DCC: variants seen among roughly 807,000 people sequenced by gnomAD.
DCC encodes netrin receptor DCC.
DCC carries 58 observed loss-of-function variants against 172.5 expected under a neutral mutation model. The ratio of observed to expected loss-of-function variants is 0.34; its 90% CI spans 0.27 to 0.42. The LOEUF is 0.42. Among genes scored for constraint, DCC ranks in the 10% least tolerant of loss-of-function variants. DCC has a pLI of 1.00. For synonymous variants in DCC, 709 were observed against 644.5 expected, an observed-to-expected ratio of 1.10 and a Z score of -1.52; for missense variants, 1,740 against 1,791.0, an observed-to-expected ratio of 0.97 and a Z score of 0.51.
At chr18:53,234,430 AT>A (rs1429132298) in intron 12 of DCC, among the ~76,000 whole-genome samples, 1 of 150,864 alleles carries the variant, frequency 6.6e-6, no homozygotes, top group Non-Finnish European at 1.5e-5. Flanking sequence ...CCTGTCTCAA[AT>A]TAAAAAAATA....
chr18:53,189,652 G>A (rs1210147461), intron 9 of DCC, among the ~76,000 whole-genome samples: 2 of 152,154 alleles, frequency 1.3e-5, no homozygotes, highest in Non-Finnish European at 2.9e-5. Context: ...TATTTGCTAT[G>A]CTCTTACCTT....
intron 2 of DCC, among the ~76,000 whole-genome samples, chr18:52,824,492 A>G (rs1182011418): frequency 6.6e-6 from 1 of 152,198 alleles, no homozygotes; most frequent in Non-Finnish European, 1.5e-5. Context: ...ATCTGTATTC[A>G]TAGCTAGTAT....
intron 15 of DCC, among the ~76,000 whole-genome samples, chr18:53,363,127 G>A (rs2057965673): frequency 1.3e-5 from 2 of 152,058 alleles, no homozygotes; most frequent in African/African-American, 4.8e-5. Context: ...ATAGAACCAG[G>A]ACTCAAACAG....
chr18:53,302,792 A>C (rs558731626), intron 12 of DCC, among the ~76,000 whole-genome samples: 52 of 152,268 alleles, frequency 3.4e-4, no homozygotes, highest in African/African-American at 1.2e-3. Context: ...GTTGTTTTCT[A>C]ATATCGAGTG....
chr18:53,355,536 A>T (rs143493728), intron 15 of DCC, among the ~76,000 whole-genome samples: 1 of 152,102 alleles, frequency 6.6e-6, no homozygotes, highest in Non-Finnish European at 1.5e-5. Flanking sequence ...CTTTGAAGCA[A>T]TTGTGAATGG....
chr18:52,548,670 T>C (rs2032681045), intron 1 of DCC, among the ~76,000 whole-genome samples: 1 of 152,124 alleles, frequency 6.6e-6, no homozygotes, highest in South Asian at 2.1e-4. Flanking sequence ...AATACAGGCA[T>C]CAGCGAAATC....
intron 1 of DCC, among the ~76,000 whole-genome samples, chr18:52,691,915 C>G (rs2035935733): frequency 1.3e-5 from 2 of 152,136 alleles, no homozygotes; most frequent in Non-Finnish European, 2.9e-5. Flanking sequence ...ATATCAATGA[C>G]TTCAGGGAAA....
At chr18:52,549,785 A>G (rs2144720094) in intron 1 of DCC, among the ~76,000 whole-genome samples, 1 of 151,830 alleles carries the variant, frequency 6.6e-6, no homozygotes, top group Non-Finnish European at 1.5e-5. Context: ...GCTAACATTT[A>G]TTTTATACTT....
intron 5 of DCC, among the ~76,000 whole-genome samples, chr18:52,988,889 T>G (rs1388325296): frequency 1.3e-5 from 2 of 152,080 alleles, no homozygotes; most frequent in Admixed American, 1.3e-4. Context: ...GACTTGTAAA[T>G]GGCAAAACAC....
chr18:53,435,288 CTATCAACTACA>C, intron 22 of DCC, 79 bp downstream of exon 22: 1 of 900,414 alleles, frequency 1.1e-6, no homozygotes, highest in South Asian at 1.3e-5. Flanking sequence ...GGCAAATTTT[CTATCAACTACA>C]AGTGCCAGGA....
At chr18:53,042,234 A>G (rs1043675910) in intron 5 of DCC, among the ~76,000 whole-genome samples, 22 of 152,072 alleles carry the variant, frequency 1.4e-4, no homozygotes, top group African/African-American at 5.1e-4. Flanking sequence ...AATTTTATCA[A>G]AGGCCTTTTC....
intron 1 of DCC, among the ~76,000 whole-genome samples, chr18:52,584,152 A>C (rs2033618104): frequency 6.6e-6 from 1 of 152,122 alleles, no homozygotes; most frequent in Non-Finnish European, 1.5e-5. Flanking sequence ...ATGAGGGCTG[A>C]TTTTTCTTCT....
intron 5 of DCC, among the ~76,000 whole-genome samples, chr18:53,047,095 C>T (rs867781174): frequency 6.7e-6 from 1 of 150,288 alleles, no homozygotes; most frequent in Middle Eastern, 3.4e-3. Flanking sequence ...CCCCAGTGGA[C>T]AAATATGATA....
At chr18:52,401,809 A>G (rs1356322815) in intron 1 of DCC, among the ~76,000 whole-genome samples, 1 of 152,016 alleles carries the variant, frequency 6.6e-6, no homozygotes, top group Non-Finnish European at 1.5e-5. Context: ...AAAATGATAA[A>G]GAGTTTTCCT....
intron 7 of DCC, among the ~76,000 whole-genome samples, chr18:53,068,929 G>A (rs2042613953): frequency 6.6e-6 from 1 of 151,958 alleles, no homozygotes; most frequent in South Asian, 2.1e-4. Flanking sequence ...AAAGAAAGAG[G>A]CTGACAAATC....
chr18:53,518,542 A>C (rs2046364707), intron 27 of DCC, among the ~76,000 whole-genome samples: 1 of 152,170 alleles, frequency 6.6e-6, no homozygotes, highest in Non-Finnish European at 1.5e-5. Context: ...ATGAAGCTTA[A>C]AACAGTAAAT....
intron 5 of DCC, among the ~76,000 whole-genome samples, chr18:53,027,454 C>G (rs372290811): frequency 6.6e-6 from 1 of 152,050 alleles, no homozygotes; most frequent in Non-Finnish European, 1.5e-5. Flanking sequence ...AAATGTCATT[C>G]GGAGAGCCAG....
At chr18:52,455,013 TTTC>T (rs1219804170) in intron 1 of DCC, among the ~76,000 whole-genome samples, 12 of 152,198 alleles carry the variant, frequency 7.9e-5, no homozygotes, top group African/African-American at 2.9e-4. Context: ...TTCATCCTAG[TTTC>T]TTCTTGTTGT....
At position 52,798,741 on chromosome 18, in the gene DCC, G is replaced by A. The variant is rs546584017; in HGVS notation, c.412+46367G>A. On this transcript the variant is annotated intron_variant, in intron 2 of 28. Transcript: ENST00000442544. ...CTGTATTTAGAGCCCCAAACCATTC[G>A]TATGAAGTTTTGTATCTTTTTTTTT... Among the ~76,000 whole-genome samples the A allele has an allele frequency of 2.5e-4, 33 of 132,896 alleles. No individual in the cohort carries two copies. In the South Asian group the frequency reaches 3.6e-3, roughly 15 times the overall value. The allele number at this position is 132,896 out of a possible 152,430, so 87.2% of individuals were successfully genotyped here.
Sources: allele counts gnomAD v4.1 joint callset (sites outside exome capture counted in the v4.1 genomes callset), GRCh38; gene constraint gnomAD v4.1.1; transcripts MANE v1.5; gene names NCBI Gene and HGNC (gene_info 2026-07-23, HGNC 2026-07-21).